Variants in ENTHD1 observed in about 807,000 individuals in gnomAD.
ENTHD1 encodes ENTH domain-containing protein 1.
ENTHD1 carries 23 observed loss-of-function variants against 39.1 expected under a neutral mutation model. The observed-to-expected ratio is 0.59, with a 90% CI of 0.42 to 0.83. The LOEUF is 0.83. Among genes scored for constraint, ENTHD1 ranks in the 40% least tolerant of loss-of-function variants. ENTHD1 has a pLI of 0.00. For missense variants in ENTHD1, 624 were observed against 705.4 expected, an observed-to-expected ratio of 0.88 and a Z score of 1.31; for synonymous variants, 230 against 258.2, an observed-to-expected ratio of 0.89 and a Z score of 1.05.
chr22:39,865,475 TAAC>T (rs1305123928), intron 2 of ENTHD1, among the ~76,000 whole-genome samples: 2 of 152,066 alleles, frequency 1.3e-5, no homozygotes, highest in Non-Finnish European at 2.9e-5. Flanking sequence ...ATGAGTTAAA[TAAC>T]AACAACAGTA....
intron 5 of ENTHD1, among the ~76,000 whole-genome samples, chr22:39,793,903 T>C (rs2146605127): frequency 6.6e-6 from 1 of 152,328 alleles, no homozygotes; most frequent in East Asian, 1.9e-4. Context: ...ATGTCTCTCC[T>C]GGTTTGTTTT....
intron 6 of ENTHD1, among the ~76,000 whole-genome samples, chr22:39,751,449 ACTTGT>A (rs2065146859): frequency 6.6e-6 from 1 of 152,238 alleles, no homozygotes; most frequent in South Asian, 2.1e-4. Flanking sequence ...TCTTAAGAAG[ACTTGT>A]CTCTGGTTTT....
At chr22:39,782,212 G>C (rs543298284) in intron 5 of ENTHD1, among the ~76,000 whole-genome samples, 36 of 152,218 alleles carry the variant, frequency 2.4e-4, no homozygotes, top group African/African-American at 8.4e-4. Context: ...GCTTAAACCT[G>C]GGAGGTAAAA....
At chr22:39,794,364 T>C (rs1281585631) in intron 5 of ENTHD1, among the ~76,000 whole-genome samples, 1 of 152,204 alleles carries the variant, frequency 6.6e-6, no homozygotes, top group Non-Finnish European at 1.5e-5. Flanking sequence ...TGGTAGAGTC[T>C]TTAGGTTTTT....
At chr22:39,796,431 T>A (rs1203447908) in intron 5 of ENTHD1, among the ~76,000 whole-genome samples, 2 of 151,984 alleles carry the variant, frequency 1.3e-5, no homozygotes, top group East Asian at 3.9e-4. Context: ...AGCTAATTTT[T>A]AAATTTTTTT....
rs1239503914 is a variant in ENTHD1 at position 39,743,795 on chromosome 22, T to C, written c.1708A>G (p.Ile570Val). The change falls in exon 7 of 7, where the codon ATC (isoleucine) becomes GTC (valine). Residue 570 changes from isoleucine (I) to valine (V), a missense_variant. Transcript: ENST00000325157. The stretch of plus-strand genomic sequence containing the variant: ...TTATTGATGACATTAAGTTCTTGGA[T>C]CACTGTGCTCAGATCTTCATGTAAT... The part of the protein sequence containing the change: ...ARLHEDLSTV[I>V]QELNVINNIL... The C allele has an allele frequency of 1.2e-6, 2 of 1,614,184 alleles. No homozygotes were observed. Among genetic ancestry groups the C allele is most frequent in the East Asian group, 2.2e-5 (1 of 44,880 alleles).
In ENTHD1 at chr22:39,887,508, G is replaced by A. The variant is rs781382796; in HGVS notation, c.241C>T (p.Leu81Phe). 3 of 1,614,170 alleles carry A rather than the reference G, an allele frequency of 1.9e-6. No individual in the cohort carries two copies. The highest frequency in any genetic ancestry group is 1.1e-5 in the South Asian group (1 of 91,092). Residue 81 changes from leucine (L) to phenylalanine (F), a missense_variant, in exon 2 of 7, where the codon CTC (leucine) becomes TTC (phenylalanine). By Grantham distance (22) the Leu-to-Phe change is conservative. Transcript: ENST00000325157. ...ACTTTCTTTGATCCATTCTTGATGA[G>A]ATAATCCATTAGGGTAAGGGATTTA... ...VYKSLTLMDY[L>F]IKNGSKKVIQ...
chr22:39,769,982 C>G (rs2065309043), intron 5 of ENTHD1, among the ~76,000 whole-genome samples: 1 of 152,138 alleles, frequency 6.6e-6, no homozygotes, highest in Non-Finnish European at 1.5e-5. Flanking sequence ...GGTCTGAGAA[C>G]TTTGTGGCTT....
At chr22:39,774,779 T>C (rs2065354012) in intron 5 of ENTHD1, among the ~76,000 whole-genome samples, 1 of 152,232 alleles carries the variant, frequency 6.6e-6, no homozygotes, top group Non-Finnish European at 1.5e-5. Flanking sequence ...AGTCTTCAAA[T>C]TCTATGCTCC....
At chr22:39,833,294 T>C (rs1157772041) in intron 4 of ENTHD1, among the ~76,000 whole-genome samples, 1 of 152,084 alleles carries the variant, frequency 6.6e-6, no homozygotes, top group Admixed American at 6.6e-5. Context: ...CTCTAGCCTT[T>C]AGCAATACTT....
intron 4 of ENTHD1, among the ~76,000 whole-genome samples, chr22:39,834,639 C>T (rs910430362): frequency 1.3e-5 from 2 of 152,068 alleles, no homozygotes; most frequent in Non-Finnish European, 2.9e-5. Context: ...CATTTATCCC[C>T]GAGATATGAA....
rs1198741927 is a variant in ENTHD1, at chr22:39,765,418, ACTC to A, written c.1021_1023del (p.Glu341del). ...GATACCCTTAAGTCGGGGCTGATAA[ACTC>A]CTCTTTACTTGACCAACATGCTGGT... On this transcript the variant is annotated inframe_deletion, in exon 6 of 7. Coordinates refer to ENST00000325157, the MANE Select transcript of ENTHD1 (RefSeq NM_152512.4). 1 of 1,613,454 alleles carries A rather than the reference ACTC, an allele frequency of 6.2e-7. No homozygotes were observed. The highest frequency in any genetic ancestry group is 1.1e-5 in the South Asian group (1 of 91,052).
At chr22:39,890,694 C>T (rs560799771) in intron 1 of ENTHD1, among the ~76,000 whole-genome samples, 11 of 152,144 alleles carry the variant, frequency 7.2e-5, no homozygotes, top group Non-Finnish European at 1.6e-4. Flanking sequence ...GCCTTCTAAT[C>T]CAATAGAGTA....
At chr22:39,809,656 G>A (rs1387452930) in intron 5 of ENTHD1, among the ~76,000 whole-genome samples, 1 of 152,108 alleles carries the variant, frequency 6.6e-6, no homozygotes, top group Non-Finnish European at 1.5e-5. Flanking sequence ...TGTTCACTAA[G>A]GCATTTAAAA....
chr22:39,795,013 TTAAGA>T (rs2146606876), intron 5 of ENTHD1, among the ~76,000 whole-genome samples: 1 of 152,312 alleles, frequency 6.6e-6, no homozygotes, highest in East Asian at 1.9e-4. Flanking sequence ...TTGACATCTA[TTAAGA>T]TAATAATATG....
intron 3 of ENTHD1, among the ~76,000 whole-genome samples, chr22:39,856,865 A>G (rs117519595): frequency 0.099 from 14,829 of 149,388 alleles, 913 homozygotes; most frequent in Middle Eastern, 0.13. Context: ...AAAAAAAAAA[A>G]AAAGAAAGAA....
chr22:39,803,628 T>G (rs1473114232), intron 5 of ENTHD1, among the ~76,000 whole-genome samples: 2 of 152,120 alleles, frequency 1.3e-5, no homozygotes, highest in East Asian at 3.9e-4. Context: ...ATTTTACTAT[T>G]TTACAATTAA....
intron 5 of ENTHD1, among the ~76,000 whole-genome samples, chr22:39,815,516 A>G (rs1457364288): frequency 6.6e-6 from 1 of 152,028 alleles, no homozygotes; most frequent in Non-Finnish European, 1.5e-5. Flanking sequence ...TTTCTAGGGG[A>G]AAAATTGGTG....
At chr22:39,813,837 A>G (rs1334605796) in intron 5 of ENTHD1, among the ~76,000 whole-genome samples, 2 of 152,206 alleles carry the variant, frequency 1.3e-5, no homozygotes, top group Non-Finnish European at 2.9e-5. Flanking sequence ...TAAACTGGGA[A>G]AACTGGTAAG....
Sources: gnomAD v4.1 joint callset for allele counts (sites outside exome capture counted in the v4.1 genomes callset) on GRCh38, gnomAD v4.1.1 for gene constraint, MANE v1.5 for transcripts, NCBI Gene and HGNC (gene_info 2026-07-23, HGNC 2026-07-21) for gene names.